The following COL26A1 variants were observed in gnomAD, a reference collection of about 807,000 sequenced individuals.
COL26A1 encodes collagen alpha-1(XXVI) chain.
COL26A1 carries 41 observed loss-of-function variants against 59.3 expected under a neutral mutation model. The observed-to-expected ratio is 0.69, with a 90% CI of 0.54 to 0.90. The LOEUF is 0.90. Among genes scored for constraint, COL26A1 ranks in the 40% least tolerant of loss-of-function variants. The pLI is 0.00. For synonymous variants in COL26A1, 266 were observed against 256.0 expected (o/e 1.04, Z -0.37); for missense variants, 612 against 602.3 (o/e 1.02, Z -0.17).
chr7:101,475,822 C>T (rs1410164800), intron 3 of COL26A1, among the ~76,000 whole-genome samples: 4 of 145,192 alleles, frequency 2.8e-5, no homozygotes, highest in Admixed American at 2.1e-4. Flanking sequence ...CTTTCTTTCT[C>T]TCTCTTTCTC....
chr7:101,546,411 T>C (rs1289710445), intron 7 of COL26A1, among the ~76,000 whole-genome samples: 1 of 151,802 alleles, frequency 6.6e-6, no homozygotes, highest in African/African-American at 2.4e-5. Flanking sequence ...ATTTTTTTTT[T>C]TTTTTTTGAG....
At chr7:101,382,862 G>T (rs1392750751) in intron 1 of COL26A1, among the ~76,000 whole-genome samples, 1 of 151,998 alleles carries the variant, frequency 6.6e-6, no homozygotes, top group Admixed American at 6.6e-5. Context: ...GCTGGCCAAC[G>T]TGGAGAATAT....
intron 3 of COL26A1, among the ~76,000 whole-genome samples, chr7:101,489,933 C>CTCTTTCTT (rs138474723): frequency 1.2e-5 from 1 of 81,108 alleles, no homozygotes; most frequent in Non-Finnish European, 2.0e-5. Context: ...CTCTCTCTCT[C>CTCTTTCTT]TCTTTCTTTC....
chr7:101,550,961 G>A (rs760869911), intron 9 of COL26A1, 147 bp from the exon 10 acceptor site: 1 of 857,088 alleles, frequency 1.2e-6, no homozygotes, highest in Non-Finnish European at 1.9e-6. Flanking sequence ...CTTTGAGTCT[G>A]CCCTTCCCGT....
intron 1 of COL26A1, among the ~76,000 whole-genome samples, chr7:101,374,394 C>T (rs187917334): frequency 6.6e-6 from 1 of 152,136 alleles, no homozygotes; most frequent in Non-Finnish European, 1.5e-5. Flanking sequence ...AGACAAGTAC[C>T]GGTTCAAGAC....
intron 5 of COL26A1, 115 bp from the exon 6 acceptor site, chr7:101,543,883 C>A: frequency 1.5e-6 from 1 of 665,906 alleles, no homozygotes; most frequent in Non-Finnish European, 2.6e-6. Flanking sequence ...TAGGGAGTCC[C>A]AGGTAGGCAG....
intron 1 of COL26A1, among the ~76,000 whole-genome samples, chr7:101,379,282 A>G (rs962750061): frequency 3.3e-5 from 5 of 152,106 alleles, no homozygotes; most frequent in Admixed American, 1.3e-4. Flanking sequence ...ACTGATGACA[A>G]TTAGACCCTG....
chr7:101,365,429 T>C (rs552694363), intron 1 of COL26A1, among the ~76,000 whole-genome samples: 4 of 152,050 alleles, frequency 2.6e-5, no homozygotes, highest in African/African-American at 9.6e-5. Flanking sequence ...GTTTTTCTGG[T>C]TTCTGTGTTT....
chr7:101,497,264 G>A (rs1186875184), intron 3 of COL26A1, among the ~76,000 whole-genome samples: 1 of 152,114 alleles, frequency 6.6e-6, no homozygotes, highest in Non-Finnish European at 1.5e-5. Flanking sequence ...AAATAGTTCT[G>A]GAAACATGAC....
intron 1 of COL26A1, among the ~76,000 whole-genome samples, chr7:101,375,304 C>T (rs865961507): frequency 6.6e-6 from 1 of 151,986 alleles, no homozygotes; most frequent in Non-Finnish European, 1.5e-5. Context: ...CTAGTATGTG[C>T]TCTAGGAGGC....
intron 6 of COL26A1, 96 bp from the exon 7 acceptor site, chr7:101,545,241 AC>A: frequency 8.4e-7 from 1 of 1,189,506 alleles, no homozygotes. Flanking sequence ...CCCCTGACCA[AC>A]CCTGTTTCTT....
chr7:101,506,110 T>A (rs1484914766), intron 3 of COL26A1, among the ~76,000 whole-genome samples: 1 of 152,202 alleles, frequency 6.6e-6, no homozygotes, highest in Non-Finnish European at 1.5e-5. Flanking sequence ...GTGGAGGGAA[T>A]GGACTCTGGG....
In COL26A1 at chr7:101,402,655, C is replaced by CT. The variant is rs869237001; in HGVS notation, c.159-17320dup. ...TCCCCTCCCCTCCCTCCCTTCCTTC[C>CT]TTCCTTCCCTCCCTCCCTCCTTCCC... On this transcript the variant is annotated intron_variant, in intron 1 of 12. Transcript: ENST00000313669. 6.7e-3 allele frequency among the ~76,000 whole-genome samples: 667 copies of CT among 99,066 alleles called. 9 individuals carry two copies. Among genetic ancestry groups the CT allele is most frequent in the African/African-American group, 0.026 (633 of 24,028 alleles). 65.0% of individuals were successfully genotyped at this position (99,066 alleles called of 152,430 possible). A position where few individuals can be genotyped will look rare whatever the true frequency, so the allele number is the denominator to read the frequency against.
intron 3 of COL26A1, among the ~76,000 whole-genome samples, chr7:101,455,041 CTTTTT>C (rs56039517): frequency 7.6e-4 from 102 of 134,010 alleles, no homozygotes; most frequent in Non-Finnish European, 8.4e-4. Flanking sequence ...TTTTCTTTAT[CTTTTT>C]TTTTTTTTTT....
intron 4 of COL26A1, among the ~76,000 whole-genome samples, chr7:101,538,722 C>T (rs1435306511): frequency 1.3e-5 from 2 of 152,156 alleles, no homozygotes; most frequent in African/African-American, 4.8e-5. Context: ...GAGCCCTGAG[C>T]AGCCGCTAAG....
intron 3 of COL26A1, among the ~76,000 whole-genome samples, chr7:101,502,706 C>T (rs952089350): frequency 6.6e-6 from 1 of 152,232 alleles, no homozygotes; most frequent in East Asian, 1.9e-4. Context: ...GCCCCCTCAT[C>T]TGACCCAGTG....
intron 3 of COL26A1, among the ~76,000 whole-genome samples, chr7:101,466,795 G>GGTTTGTGT (rs1554416647): frequency 8.0e-6 from 1 of 125,174 alleles, no homozygotes; most frequent in Admixed American, 8.4e-5. Context: ...GGCATGTTCT[G>GGTTTGTGT]GTGTGTGTGT....
intron 1 of COL26A1, among the ~76,000 whole-genome samples, chr7:101,392,583 G>A (rs1434438394): frequency 6.6e-6 from 1 of 151,702 alleles, no homozygotes; most frequent in African/African-American, 2.4e-5. Flanking sequence ...TGTATTTTTA[G>A]TAGAGATGGG....
intron 1 of COL26A1, among the ~76,000 whole-genome samples, chr7:101,387,750 A>G (rs1384122707): frequency 9.9e-4 from 98 of 99,090 alleles, no homozygotes; most frequent in Non-Finnish European, 1.6e-3. Context: ...ATATATATAT[A>G]TATTTATATA....
Sources: gnomAD v4.1 joint callset for allele counts (sites outside exome capture counted in the v4.1 genomes callset) on GRCh38, gnomAD v4.1.1 for gene constraint, MANE v1.5 for transcripts, NCBI Gene and HGNC (gene_info 2026-07-23, HGNC 2026-07-21) for gene names.